The following LETM2 variants were observed in gnomAD, a reference collection of about 807,000 sequenced individuals.
The protein encoded by LETM2 is LETM1 domain-containing protein LETM2, mitochondrial.
In LETM2, 58 loss-of-function variants were observed where a neutral mutation model predicts 59.6. The ratio of observed to expected loss-of-function variants is 0.97; its 90% CI spans 0.79 to 1.21. The LOEUF is 1.21. Ranked by LOEUF, LETM2 falls within the 50% of genes most tolerant of loss-of-function variation. The pLI is 0.00. For synonymous variants in LETM2, 199 were observed against 214.1 expected, an observed-to-expected ratio of 0.93 and a Z score of 0.62; for missense variants, 572 against 575.7, an observed-to-expected ratio of 0.99 and a Z score of 0.07.
intron 8 of LETM2, chr8:38,406,742 A>G (rs2150457787): frequency 2.1e-6 from 1 of 467,008 alleles, no homozygotes; most frequent in East Asian, 3.1e-5. Context: ...TATATAAAGT[A>G]CTCAAAACTC....
intron 2 of LETM2, among the ~76,000 whole-genome samples, chr8:38,388,350 G>C (rs1811941760): frequency 6.6e-6 from 1 of 151,848 alleles, no homozygotes; most frequent in Admixed American, 6.6e-5. Context: ...AAAGTGCTGG[G>C]ATTACAGGCG....
rs1445370679 is a variant in LETM2 at position 38,409,203 on chromosome 8, G to T, written c.*929G>T. The T allele has an allele frequency of 3.3e-5, 5 of 152,226 alleles. No homozygotes were observed. The highest frequency in any genetic ancestry group is 1.2e-4 in the African/African-American group (5 of 41,452). 9.4% of individuals were successfully genotyped at this position (152,226 alleles called of 1,614,324 possible). A position where few individuals can be genotyped will look rare whatever the true frequency, so the allele number is the denominator to read the frequency against. ...ACCAAGGGCTTTCTTCCCCTGGGGA[G>T]TGGTTAGAAGGCCAAAGGTATTTCA... On this transcript the variant is annotated 3_prime_UTR_variant, in exon 11 of 11. Coordinates refer to ENST00000379957, the MANE Select transcript of LETM2 (RefSeq NM_001286819.2).
chr8:38,407,589 A>G (rs1813833816), intron 10 of LETM2, 126 bp downstream of exon 10: 2 of 663,258 alleles, frequency 3.0e-6, no homozygotes, highest in African/African-American at 3.6e-5. Flanking sequence ...TTGTCCAAAC[A>G]GGAAATTGTA....
upstream of LETM2, chr8:38,382,946 G>GC (rs2150402291): frequency 6.6e-6 from 1 of 152,300 alleles, no homozygotes; most frequent in South Asian, 2.1e-4. The surrounding 1 kb of genome is among the most constrained non-coding windows in gnomAD (Gnocchi z 4.2). Context: ...CGCCGAGGGA[G>GC]CGCCTCGACC....
intron 2 of LETM2, among the ~76,000 whole-genome samples, chr8:38,388,504 C>CT (rs1811954532): frequency 6.7e-6 from 1 of 150,064 alleles, no homozygotes; most frequent in Non-Finnish European, 1.5e-5. Context: ...AGCGGATTGC[C>CT]TGAGGTCAGG....
intron 7 of LETM2, among the ~76,000 whole-genome samples, chr8:38,403,898 G>C (rs1452313277): frequency 6.6e-6 from 1 of 151,956 alleles, no homozygotes; most frequent in Non-Finnish European, 1.5e-5. Context: ...TCACTCTGTC[G>C]CCCAGGCTGG....
intron 2 of LETM2, among the ~76,000 whole-genome samples, chr8:38,391,183 AAAAAAAAAAAAAAAAC>A (rs199708064): frequency 1.9e-3 from 268 of 142,084 alleles, no homozygotes; most frequent in Non-Finnish European, 3.3e-3. Context: ...TCCTGTCTCA[AAAAAAAAAAAAAAAAC>A]AAAAAAAAAA....
rs1269984904 is a variant in LETM2, at chr8:38,409,524, A to G, written c.*1250A>G. On this transcript the variant is annotated 3_prime_UTR_variant, in exon 11 of 11. Transcript: ENST00000379957. ...ATTCACAATACACTTTCCCATTTCA[A>G]AAATGACGGGTATTTTAATTAGTCC... 1.3e-5 allele frequency: 2 copies of G among 152,242 alleles called. No homozygotes were observed. The highest frequency in any genetic ancestry group is 2.9e-5 in the Non-Finnish European group (2 of 68,048). The allele number at this position is 152,242 out of a possible 1,614,324, so 9.4% of individuals were successfully genotyped here. A position where few individuals can be genotyped will look rare whatever the true frequency, so the allele number is the denominator to read the frequency against.
At chr8:38,405,880 G>A (rs1190097039) in intron 8 of LETM2, among the ~76,000 whole-genome samples, 2 of 152,186 alleles carry the variant, frequency 1.3e-5, no homozygotes, top group African/African-American at 4.8e-5. Flanking sequence ...GGTGAGAACG[G>A]AATTAAGGAC....
In LETM2 at chr8:38,408,240, C is replaced by A; in HGVS notation, c.1442C>A (p.Ala481Asp). ...CTCCAGGCCAAATCACAAATGACGG[C>A]CCAGAACAGCAAGGCTAGTTCAAAA... ...PTLQAKSQMTAQNSKASSKGA is the reference protein window; with the variant it reads ...PTLQAKSQMTDQNSKASSKGA Residue 481 changes from alanine (A) to aspartate (D), a missense_variant, in exon 11 of 11, where the codon GCC becomes GAC. Transcript: ENST00000379957. 1.2e-6 allele frequency: 2 copies of A among 1,613,012 alleles called. No homozygotes were observed. The highest frequency in any genetic ancestry group is 2.2e-5 in the East Asian group (1 of 44,878).
At position 38,397,115 on chromosome 8, in the gene LETM2, C is replaced by T. The variant is rs111615277; in HGVS notation, c.645+2874C>T. 3,207 of 456,084 alleles carry T rather than the reference C, an allele frequency of 7.0e-3. 94 individuals are homozygous for T. The highest frequency in any genetic ancestry group is 0.056 in the African/African-American group (2,811 of 50,076). The allele number at this position is 456,084 out of a possible 1,614,324, so 28.3% of individuals were successfully genotyped here. A position where few individuals can be genotyped will look rare whatever the true frequency, so the allele number is the denominator to read the frequency against. ...CCCCGTTCTGTGCCACTCTACTAGA[C>T]AGCGTTGACAGCATATGGTAAGAAA... On this transcript the variant is annotated intron_variant, in intron 4 of 10. Transcript: ENST00000379957.
At position 38,400,466 on chromosome 8, in the gene LETM2, C is replaced by T. The variant is rs929067339; in HGVS notation, c.783+57C>T. The T allele has an allele frequency of 4.7e-5, 70 of 1,488,848 alleles. 1 individual carries two copies. The highest frequency in any genetic ancestry group is 3.3e-4 in the South Asian group (24 of 72,352). 92.2% of individuals were successfully genotyped at this position (1,488,848 alleles called of 1,614,324 possible). Reference sequence around the variant, plus strand: ...TCGGGGCTGGGCGTTCTATGAAAAACGCATGTCATCATGGATTTCCCAAAT... The same window carrying T: ...TCGGGGCTGGGCGTTCTATGAAAAATGCATGTCATCATGGATTTCCCAAAT... On this transcript the variant is annotated intron_variant, in intron 5 of 10. Transcript: ENST00000379957.
At chr8:38,385,741 T>C (rs968683590), upstream of LETM2, among the ~76,000 whole-genome samples, 1 of 152,144 alleles carries the variant, frequency 6.6e-6, no homozygotes. Flanking sequence ...CCAGATAAAA[T>C]GGATGGGAAA....
chr8:38,404,270 T>C, intron 7 of LETM2, 123 bp from the exon 8 acceptor site: 2 of 678,212 alleles, frequency 2.9e-6, no homozygotes, highest in South Asian at 3.5e-5. Flanking sequence ...ACTCATCACC[T>C]GAGCGGCTTG....
Position 38,400,388 on chromosome 8 carries a change from G to A in LETM2, c.762G>A (p.Gln254=), listed in dbSNP as rs748094481. 1.9e-6 allele frequency: 3 copies of A among 1,593,958 alleles called. No individual in the cohort carries two copies. In the Admixed American group the frequency reaches 5.3e-5, roughly 28 times the overall value. Residue 254 remains glutamine (Q), a synonymous_variant, in exon 5 of 11, where the codon CAG becomes CAA. Coordinates refer to ENST00000379957, the MANE Select transcript of LETM2 (RefSeq NM_001286819.2). ...NRAKMGDAST[Q]LSSYVKQVQT... is the part of the protein sequence containing the mutation. ...CCAAGATGGGCGATGCCTCTACACA[G>A]CTCTCATCCTACGTGAAGCAGGTGT...
At position 38,404,444 on chromosome 8, in the gene LETM2, TC is replaced by T; in HGVS notation, c.1159del (p.Arg387AlafsTer5). The T allele has an allele frequency of 6.2e-7, 1 of 1,614,082 alleles. No individual in the cohort carries two copies. Among genetic ancestry groups the T allele is most frequent in the Non-Finnish European group, 8.5e-7 (1 of 1,179,986 alleles). ...CGTCCCTCCTTCCCTTTTGCTCCTG[TC>T]CCGCACCTTCTACCTGATAGATGTG... ...ENVPPSLLLL[S>X]RTFYLIDVKP... On this transcript the variant is annotated frameshift_variant, in exon 8 of 11. Transcript: ENST00000379957. LOFTEE classifies it high-confidence loss of function.
chr8:38,401,686 C>G (rs1813240309), intron 6 of LETM2: 1 of 154,184 alleles, frequency 6.5e-6, no homozygotes, highest in African/African-American at 2.4e-5. Context: ...AAGCTCTGCT[C>G]CCACACTTCT....
At chr8:38,396,223 G>A (rs980631604) in intron 4 of LETM2, among the ~76,000 whole-genome samples, 2 of 151,710 alleles carry the variant, frequency 1.3e-5, no homozygotes, top group African/African-American at 4.8e-5. Context: ...GAGTGCAATG[G>A]TGCGATCTCG....
At chr8:38,392,493 C>T in intron 2 of LETM2, 49 bp from the exon 3 acceptor site, 2 of 1,082,482 alleles carry the variant, frequency 1.8e-6, no homozygotes, top group Non-Finnish European at 2.8e-6. Flanking sequence ...ATAGTGTGTG[C>T]TTTGTAATAG....
Sources: allele counts gnomAD v4.1 joint callset (sites outside exome capture counted in the v4.1 genomes callset), GRCh38; gene constraint gnomAD v4.1.1; non-coding constraint Gnocchi (gnomAD v3.1); transcripts MANE v1.5; gene names NCBI Gene and HGNC (gene_info 2026-07-23, HGNC 2026-07-21).